The following JARID2 variants were observed in gnomAD, a reference collection of about 807,000 sequenced individuals.
The protein encoded by JARID2 is protein Jumonji.
JARID2 carries 21 observed loss-of-function variants against 125.6 expected under a neutral mutation model. The observed-to-expected ratio is 0.17, with a 90% CI of 0.12 to 0.24. JARID2 has a LOEUF of 0.24. Ranked by LOEUF, JARID2 falls within the 10% of genes least tolerant of loss-of-function variation. The probability of loss-of-function intolerance (pLI) is 1.00; values close to 1 mark genes in which losing one functional copy is unlikely to be tolerated. For synonymous variants in JARID2, 736 were observed against 661.6 expected, an observed-to-expected ratio of 1.11 and a Z score of -1.73; for missense variants, 1,303 against 1,639.6, an observed-to-expected ratio of 0.79 and a Z score of 3.55.
intron 1 of JARID2, among the ~76,000 whole-genome samples, chr6:15,337,627 G>T (rs575552525): frequency 2.0e-5 from 3 of 152,300 alleles, no homozygotes; most frequent in East Asian, 3.9e-4. Flanking sequence ...TAAGGATTAG[G>T]GGGGGTCCAC....
chr6:15,496,433 C>G lies in JARID2; in HGVS notation c.1208C>G (p.Ala403Gly). 6.2e-7 allele frequency: 1 copy of G among 1,613,784 alleles called. No individual in the cohort carries two copies. The highest frequency in any genetic ancestry group is 8.5e-7 in the Non-Finnish European group (1 of 1,179,884). Residue 403 changes from alanine to glycine, a missense_variant, in exon 7 of 18, where the codon GCC becomes GGC. Physicochemically the swap from Ala to Gly is moderately conservative, Grantham distance 60. Transcript: ENST00000341776. The stretch of plus-strand genomic sequence containing the variant: ...GGGGCGTCCAAGTCCACTGGGCCCG[C>G]CGTCAATGGCCTCAAGGTCAGTGGC... ...LGGASKSTGPAVNGLKVSGRL... is the reference protein window; with the variant it reads ...LGGASKSTGPGVNGLKVSGRL...
chr6:15,376,779 T>A (rs1764370957), intron 2 of JARID2, among the ~76,000 whole-genome samples: 1 of 152,152 alleles, frequency 6.6e-6, no homozygotes, highest in Admixed American at 6.5e-5. Flanking sequence ...TACTTTCTTA[T>A]TTTGGGGAGC....
intron 1 of JARID2, among the ~76,000 whole-genome samples, chr6:15,263,074 TTGTGTGTGTGTGTGTGTGTGTGTGTG>T (rs561238062): frequency 7.2e-6 from 1 of 139,720 alleles, no homozygotes; most frequent in East Asian, 2.1e-4. Context: ...GGGTGTGTGT[TTGTGTGTGTGTGTGTGTGTGTGTGTG>T]TGTGTGTGTG....
intron 12 of JARID2, among the ~76,000 whole-genome samples, chr6:15,510,990 G>C (rs930591270): frequency 6.6e-5 from 10 of 152,342 alleles, no homozygotes; most frequent in African/African-American, 2.2e-4. Flanking sequence ...AGGGGTTTGT[G>C]AACATCTGTT....
At chr6:15,292,858 G>A (rs549693691) in intron 1 of JARID2, among the ~76,000 whole-genome samples, 10 of 152,140 alleles carry the variant, frequency 6.6e-5, no homozygotes, top group Non-Finnish European at 8.8e-5. Flanking sequence ...TTGTAGACAC[G>A]AGATCTTCCT....
intron 1 of JARID2, among the ~76,000 whole-genome samples, chr6:15,283,705 AT>A (rs58730259): frequency 0.19 from 21,049 of 112,886 alleles, 1,375 homozygotes; most frequent in East Asian, 0.34. Context: ...TCCTTTAAGT[AT>A]TTTTTTTTTT....
intron 1 of JARID2, among the ~76,000 whole-genome samples, chr6:15,262,533 A>ATTT (rs35864895): frequency 1.3e-4 from 15 of 116,466 alleles, no homozygotes; most frequent in African/African-American, 4.0e-4. Flanking sequence ...TGGTTTGGCT[A>ATTT]TTTTTTTTTT....
At chr6:15,340,379 G>A (rs887242998) in intron 1 of JARID2, among the ~76,000 whole-genome samples, 1 of 152,304 alleles carries the variant, frequency 6.6e-6, no homozygotes, top group Admixed American at 6.5e-5. Flanking sequence ...TGACTTGTGC[G>A]ACATCATTGT....
chr6:15,425,225 C>G (rs1432818248), intron 3 of JARID2, among the ~76,000 whole-genome samples: 1 of 152,100 alleles, frequency 6.6e-6, no homozygotes, highest in Non-Finnish European at 1.5e-5. Flanking sequence ...TGGGGTGTGG[C>G]AAAGTGATTC....
At chr6:15,302,504 A>G (rs1761667710) in intron 1 of JARID2, among the ~76,000 whole-genome samples, 1 of 151,952 alleles carries the variant, frequency 6.6e-6, no homozygotes, top group African/African-American at 2.4e-5. Context: ...GATAATCAGG[A>G]AGATTTATTC....
chr6:15,341,260 C>T (rs1029561465), intron 1 of JARID2, among the ~76,000 whole-genome samples: 5 of 152,178 alleles, frequency 3.3e-5, no homozygotes, highest in Non-Finnish European at 2.9e-5. Context: ...CTACTGTTTA[C>T]ATAAATGTTT....
chr6:15,247,950 C>T, intron 1 of JARID2: 1 of 985,486 alleles, frequency 1.0e-6, no homozygotes, highest in Non-Finnish European at 1.2e-6. Context: ...GACGCCTTCC[C>T]GGGGCACGTC....
At chr6:15,434,829 G>A (rs1767134114) in intron 3 of JARID2, among the ~76,000 whole-genome samples, 1 of 152,136 alleles carries the variant, frequency 6.6e-6, no homozygotes, top group Admixed American at 6.5e-5. Flanking sequence ...GGACTTTGAA[G>A]TTTTGCAGTC....
chr6:15,280,629 CT>C (rs11427786), intron 1 of JARID2, among the ~76,000 whole-genome samples: 11,965 of 136,588 alleles, frequency 0.088, 474 homozygotes, highest in East Asian at 0.13. Context: ...CCACACCCTG[CT>C]TTTTTTTTTT....
intron 17 of JARID2, among the ~76,000 whole-genome samples, chr6:15,518,521 C>T (rs916393448): frequency 2.6e-5 from 4 of 152,264 alleles, no homozygotes; most frequent in East Asian, 3.9e-4. Flanking sequence ...CTCGCTCTGT[C>T]GCCAGGCTGG....
chr6:15,441,208 A>G (rs778776750), intron 3 of JARID2, among the ~76,000 whole-genome samples: 3 of 152,176 alleles, frequency 2.0e-5, no homozygotes, highest in Non-Finnish European at 4.4e-5. Flanking sequence ...GCTGGATTGT[A>G]TATTCCTAGA....
At chr6:15,452,614 C>G (rs369525730) in intron 4 of JARID2, among the ~76,000 whole-genome samples, 2 of 152,110 alleles carry the variant, frequency 1.3e-5, no homozygotes, top group Non-Finnish European at 1.5e-5. Context: ...GAGGGACTTA[C>G]GGTTCTCTCA....
chr6:15,486,966 A>C (rs1411013274), intron 5 of JARID2, among the ~76,000 whole-genome samples: 1 of 152,054 alleles, frequency 6.6e-6, no homozygotes, highest in Non-Finnish European at 1.5e-5. Flanking sequence ...AAGTGGACTC[A>C]CAGGTCCGCA....
intron 4 of JARID2, among the ~76,000 whole-genome samples, chr6:15,462,938 C>G (rs1005963010): frequency 6.6e-6 from 1 of 152,156 alleles, no homozygotes; most frequent in South Asian, 2.1e-4. Flanking sequence ...TGATTTTTGT[C>G]CAGATGAAAA....
Sources: gnomAD v4.1 joint callset for allele counts (sites outside exome capture counted in the v4.1 genomes callset) on GRCh38, gnomAD v4.1.1 for gene constraint, MANE v1.5 for transcripts, NCBI Gene and HGNC (gene_info 2026-07-23, HGNC 2026-07-21) for gene names.